KHDRBS2: variants seen among roughly 807,000 people sequenced by gnomAD.
The protein encoded by KHDRBS2 is KH RNA binding domain containing, signal transduction associated 2, also known as KH domain-containing, RNA-binding, signal transduction-associated protein 2.
A neutral mutation model predicts 44.3 loss-of-function variants in KHDRBS2; 26 were observed. That is an observed-to-expected ratio of 0.59 (90% CI 0.43 to 0.81). The LOEUF (loss-of-function observed/expected upper bound fraction) is 0.81, where lower values mean the gene tolerates loss of function less well. Ranked by LOEUF, KHDRBS2 falls within the 40% of genes least tolerant of loss-of-function variation. KHDRBS2 has a pLI of 0.00. For synonymous variants in KHDRBS2, 194 were observed against 151.1 expected, an observed-to-expected ratio of 1.28 and a Z score of -2.08; for missense variants, 476 against 433.1, an observed-to-expected ratio of 1.10 and a Z score of -0.88.
chr6:61,971,418 AT>A (rs1165489271), intron 4 of KHDRBS2, among the ~76,000 whole-genome samples: 2 of 152,146 alleles, frequency 1.3e-5, no homozygotes, highest in African/African-American at 4.8e-5. Flanking sequence ...TTCAAAAAAA[AT>A]GTTTTATGTT....
chr6:61,551,758 A>G, the KHDRBS2 span, among the ~76,000 whole-genome samples: 2 of 152,254 alleles, frequency 1.3e-5, no homozygotes, highest in South Asian at 4.1e-4. Flanking sequence ...TGCTTGGGTT[A>G]CTGTAGCCTT....
the KHDRBS2 span, among the ~76,000 whole-genome samples, chr6:61,622,631 G>C: frequency 2.0e-5 from 3 of 152,308 alleles, no homozygotes; most frequent in Admixed American, 2.0e-4. Context: ...TAGAGGGGCA[G>C]TTAGAAGCCT....
In KHDRBS2 at chr6:62,179,327, T is replaced by C. The variant is rs141076801; in HGVS notation, c.92-2015A>G. On this transcript the variant is annotated intron_variant, in intron 1 of 8. Transcript: ENST00000281156. ...TGTTTGAAAATAAGTTATATGTCTA[T>C]AATTTCTACTTAGTGTGATAACATC... is the stretch of plus-strand genomic sequence containing the variant. Among the ~76,000 whole-genome samples, 135 of 151,842 alleles carry C rather than the reference T, an allele frequency of 8.9e-4. 5 individuals carry two copies. The East Asian group carries it at 0.024, about 28-fold the overall frequency.
chr6:61,609,472 C>T, the KHDRBS2 span, among the ~76,000 whole-genome samples: 1 of 152,050 alleles, frequency 6.6e-6, no homozygotes, highest in East Asian at 1.9e-4. Flanking sequence ...TGGTGAATCC[C>T]TTTCCAAGAT....
chr6:61,869,964 GTT>G (rs59518436), intron 6 of KHDRBS2, among the ~76,000 whole-genome samples: 26 of 109,028 alleles, frequency 2.4e-4, no homozygotes, highest in African/African-American at 9.8e-4. Flanking sequence ...CTGCAGGAGT[GTT>G]TTTTTTTTTT....
At chr6:61,645,800 T>C in the KHDRBS2 span, among the ~76,000 whole-genome samples, 1 of 152,168 alleles carries the variant, frequency 6.6e-6, no homozygotes, top group African/African-American at 2.4e-5. Flanking sequence ...CCTTTGATAA[T>C]GAATCACTTT....
chr6:61,672,731 A>G, the KHDRBS2 span, among the ~76,000 whole-genome samples: 1 of 151,662 alleles, frequency 6.6e-6, no homozygotes, highest in Non-Finnish European at 1.5e-5. Flanking sequence ...AGTTCATTGT[A>G]GATTCTGGAT....
At chr6:62,053,541 T>C (rs1789563094) in intron 2 of KHDRBS2, among the ~76,000 whole-genome samples, 1 of 152,022 alleles carries the variant, frequency 6.6e-6, no homozygotes, top group African/African-American at 2.4e-5. Flanking sequence ...TAGCATTTTA[T>C]TTGTTTGGAA....
intron 1 of KHDRBS2, among the ~76,000 whole-genome samples, chr6:62,186,682 A>T (rs994100447): frequency 3.3e-5 from 5 of 152,050 alleles, no homozygotes; most frequent in African/African-American, 1.2e-4. Context: ...CATCAAAAAA[A>T]TGTTGGAATC....
the KHDRBS2 span, among the ~76,000 whole-genome samples, chr6:61,547,257 G>A: frequency 6.6e-6 from 1 of 152,064 alleles, no homozygotes; most frequent in Non-Finnish European, 1.5e-5. Context: ...GCCTCTTCTT[G>A]GAGGATAGGT....
At position 61,777,130 on chromosome 6, in the gene KHDRBS2, G is replaced by C. The variant is rs187591210; in HGVS notation, c.811-44366C>G. Among the ~76,000 whole-genome samples, 238 of 151,202 alleles carry C rather than the reference G, an allele frequency of 1.6e-3. 1 individual carries two copies. Among genetic ancestry groups the C allele is most frequent in the African/African-American group, 5.4e-3 (222 of 41,212 alleles). ...AGGAAGGGGAACATCACACACCAGA[G>C]ACTGTTGGGGGGTGGGGGAAGGGGG... On this transcript the variant is annotated intron_variant, in intron 6 of 8. Coordinates refer to ENST00000281156, the MANE Select transcript of KHDRBS2 (RefSeq NM_152688.4).
In KHDRBS2 at chr6:61,809,962, T is replaced by C. The variant is rs1787842138; in HGVS notation, c.811-77198A>G. On this transcript the variant is annotated intron_variant, in intron 6 of 8. Transcript: ENST00000281156. ...GCTTTTAGCAGTATCTCAAGAAAAT[T>C]GATGTTGAAAAGAATACTACAGGAG... Among the ~76,000 whole-genome samples, 5 of 151,952 alleles carry C rather than the reference T, an allele frequency of 3.3e-5. 1 individual carries two copies. The South Asian group carries it at 8.3e-4, about 25-fold the overall frequency.
chr6:62,060,584 A>C (rs1312807673), intron 2 of KHDRBS2, among the ~76,000 whole-genome samples: 2 of 150,914 alleles, frequency 1.3e-5, no homozygotes, highest in Non-Finnish European at 3.0e-5. Context: ...AAAATGAAAT[A>C]GTAAAGGTCT....
intron 7 of KHDRBS2, among the ~76,000 whole-genome samples, chr6:61,728,025 AACC>A (rs1271705146): frequency 2.0e-5 from 3 of 152,086 alleles, no homozygotes; most frequent in Non-Finnish European, 4.4e-5. Context: ...AATCAACCTA[AACC>A]ATGTTGGGTT....
chr6:62,236,861 A>G (rs2150163518), intron 1 of KHDRBS2, among the ~76,000 whole-genome samples: 1 of 152,320 alleles, frequency 6.6e-6, no homozygotes, highest in Admixed American at 6.5e-5. Flanking sequence ...AAATTAAAAA[A>G]TAACTTATTG....
At chr6:62,067,779 C>T (rs180994519) in intron 2 of KHDRBS2, among the ~76,000 whole-genome samples, 5 of 151,646 alleles carry the variant, frequency 3.3e-5, no homozygotes, top group Admixed American at 1.3e-4. Context: ...ACTTCCATCT[C>T]TATACATTTG....
chr6:61,784,101 A>G (rs544469777), intron 6 of KHDRBS2, among the ~76,000 whole-genome samples: 24 of 152,040 alleles, frequency 1.6e-4, no homozygotes, highest in African/African-American at 5.3e-4. Context: ...AGCTAGAAAT[A>G]TTTTTTAAAA....
At chr6:62,241,937 G>C (rs1299314008) in intron 1 of KHDRBS2, among the ~76,000 whole-genome samples, 1 of 152,110 alleles carries the variant, frequency 6.6e-6, no homozygotes, top group African/African-American at 2.4e-5. Context: ...GGTCAGGAAA[G>C]ATCTCCCAAA....
At chr6:62,116,868 G>A (rs1806358456) in intron 2 of KHDRBS2, among the ~76,000 whole-genome samples, 1 of 152,054 alleles carries the variant, frequency 6.6e-6, no homozygotes, top group Non-Finnish European at 1.5e-5. Context: ...AACCATATTA[G>A]TCTTTCCATG....
Sources: allele counts gnomAD v4.1 joint callset (sites outside exome capture counted in the v4.1 genomes callset), GRCh38; gene constraint gnomAD v4.1.1; transcripts MANE v1.5; gene names NCBI Gene and HGNC (gene_info 2026-07-23, HGNC 2026-07-21).